The following CHN2 variants were observed in gnomAD, a reference collection of about 807,000 sequenced individuals.
The protein encoded by CHN2 is chimerin 2.
CHN2 carries 35 observed loss-of-function variants against 56.3 expected under a neutral mutation model. The observed-to-expected ratio is 0.62, with a 90% CI of 0.47 to 0.82. CHN2 has a LOEUF of 0.82. Among genes scored for constraint, CHN2 ranks in the 40% least tolerant of loss-of-function variants. CHN2 has a pLI of 0.00. For synonymous variants in CHN2, 210 were observed against 212.8 expected (o/e 0.99, Z 0.12); for missense variants, 491 against 580.5 (o/e 0.85, Z 1.58).
chr7:29,153,941 T>G (rs950537815), intron 2 of CHN2, among the ~76,000 whole-genome samples: 1 of 152,138 alleles, frequency 6.6e-6, no homozygotes, highest in Non-Finnish European at 1.5e-5. Context: ...GTATATAATA[T>G]GTATAAAATA....
At chr7:29,264,165 C>G (rs1288465210) in intron 1 of CHN2, among the ~76,000 whole-genome samples, 1 of 144,388 alleles carries the variant, frequency 6.9e-6, no homozygotes, top group Non-Finnish European at 1.5e-5. Context: ...GTGGGGGGCC[C>G]CCTCTGCCTG....
At chr7:29,233,825 A>AT (rs1175429614) in intron 1 of CHN2, among the ~76,000 whole-genome samples, 20,587 of 53,004 alleles carry the variant, frequency 0.39, 7,404 homozygotes, top group East Asian at 0.57. Context: ...CAACACCTTG[A>AT]TTTTTTTTTT....
intron 1 of CHN2, among the ~76,000 whole-genome samples, chr7:29,263,755 C>T (rs1221644379): frequency 2.6e-5 from 4 of 151,694 alleles, no homozygotes; most frequent in African/African-American, 4.8e-5. Flanking sequence ...TCTGCCCCGC[C>T]GCCCCATCTG....
intron 7 of CHN2, among the ~76,000 whole-genome samples, chr7:29,495,716 T>C (rs1017483882): frequency 6.6e-6 from 1 of 152,226 alleles, no homozygotes; most frequent in Non-Finnish European, 1.5e-5. Context: ...TGGCATGGCC[T>C]ATAATCTGTT....
intron 1 of CHN2, among the ~76,000 whole-genome samples, chr7:29,277,671 G>A (rs564204843): frequency 6.6e-6 from 1 of 152,316 alleles, no homozygotes; most frequent in Admixed American, 6.5e-5. Flanking sequence ...CACACCTGTT[G>A]GCTGTAAAGT....
intron 6 of CHN2, among the ~76,000 whole-genome samples, chr7:29,457,303 A>T (rs1276266333): frequency 6.6e-6 from 1 of 151,492 alleles, no homozygotes; most frequent in Non-Finnish European, 1.5e-5. Flanking sequence ...CTCTGCACAG[A>T]GAGTCACGTC....
intron 1 of CHN2, among the ~76,000 whole-genome samples, chr7:29,281,083 A>G (rs950998241): frequency 4.6e-5 from 7 of 152,234 alleles, no homozygotes; most frequent in Admixed American, 1.3e-4. Context: ...CATATGAATA[A>G]GCAATAGATT....
rs527835730 is a variant in CHN2, at chr7:29,237,993, C to A, written c.49+43003C>A. 6.7e-5 allele frequency among the ~76,000 whole-genome samples: 10 copies of A among 149,402 alleles called. No homozygotes were observed. The South Asian group carries it at 1.9e-3, about 28-fold the overall frequency. ...CCATCATCTGAATCTGTGTCACACACTCATACTTTAATATGTATTCTCTTT... is the reference window on the plus strand; with the variant it reads ...CCATCATCTGAATCTGTGTCACACAATCATACTTTAATATGTATTCTCTTT... On this transcript the variant is annotated intron_variant, in intron 1 of 12. Coordinates refer to ENST00000222792, the MANE Select transcript of CHN2 (RefSeq NM_004067.4).
At chr7:29,450,903 T>C (rs1784360040) in intron 6 of CHN2, among the ~76,000 whole-genome samples, 1 of 152,050 alleles carries the variant, frequency 6.6e-6, no homozygotes, top group South Asian at 2.1e-4. Context: ...CCCGAGTAGC[T>C]GGGATTACAG....
At chr7:29,310,137 C>T (rs1407761772) in intron 1 of CHN2, among the ~76,000 whole-genome samples, 1 of 151,948 alleles carries the variant, frequency 6.6e-6, no homozygotes, top group East Asian at 1.9e-4. Context: ...GGATAAAATA[C>T]ATTAAAATGA....
intron 1 of CHN2, among the ~76,000 whole-genome samples, chr7:29,245,478 G>C (rs1480699845): frequency 6.6e-6 from 1 of 152,160 alleles, no homozygotes; most frequent in Admixed American, 6.5e-5. Context: ...GTAAGAAATA[G>C]TCTGTTTTCA....
intron 1 of CHN2, among the ~76,000 whole-genome samples, 169 bp from the exon 2 acceptor site, chr7:29,354,456 A>G (rs1334460021): frequency 6.6e-6 from 1 of 152,138 alleles, no homozygotes; most frequent in East Asian, 1.9e-4. Context: ...CAAGGTTTCC[A>G]TGCACATCCC....
At chr7:29,170,969 C>T (rs1284970699) in intron 2 of CHN2, among the ~76,000 whole-genome samples, 2 of 152,126 alleles carry the variant, frequency 1.3e-5, no homozygotes, top group African/African-American at 4.8e-5. Flanking sequence ...CAATTACCTC[C>T]CACGGGGTCC....
At chr7:29,217,532 C>A (rs538550515) in intron 1 of CHN2, among the ~76,000 whole-genome samples, 1 of 152,074 alleles carries the variant, frequency 6.6e-6, no homozygotes, top group South Asian at 2.1e-4. Context: ...AAGTTTATGA[C>A]GTATCAAATA....
intron 2 of CHN2, among the ~76,000 whole-genome samples, chr7:29,153,012 A>C (rs192673003): frequency 8.7e-4 from 133 of 152,382 alleles, no homozygotes; most frequent in African/African-American, 3.1e-3. Flanking sequence ...TGGGATGCAC[A>C]GGGAAGGATG....
intron 2 of CHN2, among the ~76,000 whole-genome samples, chr7:29,360,520 CA>C (rs1345500376): frequency 6.6e-6 from 1 of 151,732 alleles, no homozygotes; most frequent in African/African-American, 2.4e-5. Flanking sequence ...AACCCCGTCT[CA>C]AAAAAACAAA....
At chr7:29,382,741 C>T (rs967361759) in intron 3 of CHN2, among the ~76,000 whole-genome samples, 1 of 152,076 alleles carries the variant, frequency 6.6e-6, no homozygotes, top group Non-Finnish European at 1.5e-5. Context: ...AGGAGACTTC[C>T]CCAGGATGGC....
chr7:29,194,002 T>A (rs939599372), upstream of CHN2: 4 of 152,392 alleles, frequency 2.6e-5, no homozygotes, highest in African/African-American at 9.7e-5. Flanking sequence ...GACCGTCAGC[T>A]CCAGAGCAAC....
At chr7:29,425,225 AGAT>A (rs1241000409) in intron 6 of CHN2, among the ~76,000 whole-genome samples, 1 of 152,314 alleles carries the variant, frequency 6.6e-6, no homozygotes, top group Non-Finnish European at 1.5e-5. Context: ...GTATGAAAGG[AGAT>A]GATGTAGATT....
Sources: gnomAD v4.1 joint callset for allele counts (sites outside exome capture counted in the v4.1 genomes callset) on GRCh38, gnomAD v4.1.1 for gene constraint, MANE v1.5 for transcripts, NCBI Gene and HGNC (gene_info 2026-07-23, HGNC 2026-07-21) for gene names.